ANO6: variants seen among roughly 807,000 people sequenced by gnomAD.
ANO6 encodes the protein anoctamin 6.
A neutral mutation model predicts 117.5 loss-of-function variants in ANO6; 106 were observed. The observed-to-expected ratio is 0.90, with a 90% CI of 0.77 to 1.06. The LOEUF (loss-of-function observed/expected upper bound fraction) is 1.06, where lower values mean the gene tolerates loss of function less well. Among genes scored for constraint, ANO6 ranks in the 50% least tolerant of loss-of-function variants. The pLI, the probability that ANO6 is intolerant of heterozygous loss-of-function variation, is 0.00. For synonymous variants in ANO6, 367 were observed against 385.1 expected, an observed-to-expected ratio of 0.95 and a Z score of 0.55; for missense variants, 955 against 1,121.1, an observed-to-expected ratio of 0.85 and a Z score of 2.12.
chr12:45,287,693 A>G (rs1938961438), intron 1 of ANO6, among the ~76,000 whole-genome samples: 2 of 152,142 alleles, frequency 1.3e-5, no homozygotes, highest in Admixed American at 1.3e-4. Context: ...ATTTTGGGGC[A>G]TTTACTGAAG....
At chr12:45,260,129 C>T (rs796684061) in intron 1 of ANO6, among the ~76,000 whole-genome samples, 4 of 152,098 alleles carry the variant, frequency 2.6e-5, no homozygotes, top group East Asian at 1.9e-4. Context: ...TTTTGAAAGC[C>T]GAGCACTTAG....
At position 45,422,961 on chromosome 12, in the gene ANO6, C is replaced by T. The variant is rs141980380; in HGVS notation, c.2425C>T (p.Arg809Cys). 4.0e-5 allele frequency: 65 copies of T among 1,609,148 alleles called. No homozygotes were observed. Among genetic ancestry groups the T allele is most frequent in the Non-Finnish European group, 5.4e-5 (63 of 1,175,584 alleles). The change falls in exon 19 of 20, where the codon CGT (arginine) becomes TGT (cysteine). Residue 809 changes from arginine to cysteine, a missense_variant. Transcript: ENST00000320560. The stretch of plus-strand genomic sequence containing the variant: ...ATGTCTCCATTTTGTTTTCAGGTAT[C>T]GTGATTTCCGATACCCACCTGGACA... ...DLGNHTTCRY[R>C]DFRYPPGHPQ...
At chr12:45,264,920 G>T (rs573276665) in intron 1 of ANO6, among the ~76,000 whole-genome samples, 2 of 152,142 alleles carry the variant, frequency 1.3e-5, no homozygotes, top group African/African-American at 2.4e-5. Context: ...AGTGGTAATT[G>T]TGCAGTTGGA....
chr12:45,232,641 A>C (rs1391592889), intron 1 of ANO6, among the ~76,000 whole-genome samples: 1 of 152,254 alleles, frequency 6.6e-6, no homozygotes, highest in Non-Finnish European at 1.5e-5. Flanking sequence ...TTTCAGGCTC[A>C]CAAGTCCAGT....
intron 16 of ANO6, among the ~76,000 whole-genome samples, chr12:45,416,447 A>T (rs1488815327): frequency 6.6e-6 from 1 of 152,226 alleles, no homozygotes; most frequent in African/African-American, 2.4e-5. Context: ...TTGACTAAAG[A>T]TGTCTAAATA....
intron 3 of ANO6, chr12:45,335,413 T>C (rs1940796088): frequency 6.6e-6 from 1 of 151,994 alleles, no homozygotes; most frequent in Non-Finnish European, 1.5e-5. Context: ...TCTTGGGAAA[T>C]GTTTAAAAAC....
At chr12:45,363,324 G>A (rs1941602820) in intron 8 of ANO6, among the ~76,000 whole-genome samples, 2 of 152,080 alleles carry the variant, frequency 1.3e-5, no homozygotes, top group Admixed American at 6.6e-5. Flanking sequence ...ACAACTTTTG[G>A]GAGGCTGAGG....
At chr12:45,302,437 C>A (rs1451513132) in intron 2 of ANO6, among the ~76,000 whole-genome samples, 1 of 152,200 alleles carries the variant, frequency 6.6e-6, no homozygotes, top group Admixed American at 6.5e-5. Context: ...GGAAAGCAGT[C>A]TTTAAGCATA....
At chr12:45,243,887 A>G (rs985109178) in intron 1 of ANO6, among the ~76,000 whole-genome samples, 8 of 152,202 alleles carry the variant, frequency 5.3e-5, no homozygotes, top group African/African-American at 1.7e-4. Flanking sequence ...CTGCAAATTA[A>G]CAGAGATTCA....
chr12:45,254,708 T>C (rs1195781033), intron 1 of ANO6, among the ~76,000 whole-genome samples: 1 of 152,256 alleles, frequency 6.6e-6, no homozygotes, highest in African/African-American at 2.4e-5. Context: ...ATTCGATGGA[T>C]ACTTATGATT....
intron 3 of ANO6, 93 bp from the exon 4 acceptor site, chr12:45,346,929 G>A: frequency 1.7e-6 from 2 of 1,171,324 alleles, no homozygotes; most frequent in Non-Finnish European, 2.5e-6. Flanking sequence ...GTCCACGCTA[G>A]TTTGATTTTG....
At chr12:45,260,351 C>A (rs1347693680) in intron 1 of ANO6, among the ~76,000 whole-genome samples, 2 of 152,192 alleles carry the variant, frequency 1.3e-5, no homozygotes, top group Non-Finnish European at 2.9e-5. Context: ...AGATCTTTTG[C>A]AAAGATAGGG....
At chr12:45,353,586 A>T (rs1941338185) in intron 7 of ANO6, among the ~76,000 whole-genome samples, 1 of 152,146 alleles carries the variant, frequency 6.6e-6, no homozygotes. Context: ...ATTGCTTCCC[A>T]CTAGTAACCC....
At chr12:45,389,183 A>AG (rs1942376783) in intron 11 of ANO6, among the ~76,000 whole-genome samples, 1 of 152,244 alleles carries the variant, frequency 6.6e-6, no homozygotes, top group African/African-American at 2.4e-5. Flanking sequence ...AAGGAACCAG[A>AG]GGGAACAGTT....
chr12:45,421,691 G>T (rs576791592), intron 18 of ANO6, among the ~76,000 whole-genome samples: 211 of 152,278 alleles, frequency 1.4e-3, no homozygotes, highest in Non-Finnish European at 2.5e-3. Flanking sequence ...TGTTATTCAA[G>T]CACAATCTGA....
intron 1 of ANO6, among the ~76,000 whole-genome samples, chr12:45,260,555 A>G (rs572144255): frequency 1.3e-5 from 2 of 151,850 alleles, no homozygotes; most frequent in Admixed American, 1.3e-4. Context: ...AGTCAGAATC[A>G]AGTAACCTCC....
chr12:45,216,378 C>A lies in ANO6; in HGVS notation c.57C>A (p.Asp19Glu), dbSNP rs1372349452. ...LLQMEEEEDD[D>E]DGDIVLENLG... ...AAATGGAGGAGGAGGAGGACGACGACGATGGGGATATCGGTGAGCGAGGGG... is the reference window on the plus strand; with the variant it reads ...AAATGGAGGAGGAGGAGGACGACGAAGATGGGGATATCGGTGAGCGAGGGG... Residue 19 changes from aspartate to glutamate, a missense_variant, in exon 1 of 20, where the codon GAC (aspartate) becomes GAA (glutamate). By Grantham distance (45) the Asp-to-Glu change is conservative (BLOSUM62 2). Coordinates refer to ENST00000320560, the MANE Select transcript of ANO6 (RefSeq NM_001025356.3). 1 of 1,612,648 alleles carries A rather than the reference C, an allele frequency of 6.2e-7. No individual in the cohort carries two copies. The highest frequency in any genetic ancestry group is 1.7e-5 in the Admixed American group (1 of 59,952).
chr12:45,242,567 C>T (rs1947762884), intron 1 of ANO6, among the ~76,000 whole-genome samples: 1 of 152,262 alleles, frequency 6.6e-6, no homozygotes, highest in African/African-American at 2.4e-5. Flanking sequence ...GGCTCACCCT[C>T]TGTGGGCTGC....
chr12:45,420,545 C>T (rs191710411), intron 17 of ANO6, among the ~76,000 whole-genome samples: 4 of 152,226 alleles, frequency 2.6e-5, no homozygotes, highest in Admixed American at 2.6e-4. Flanking sequence ...TTCGAGGTTA[C>T]AGTGAGCTGT....
Sources: allele counts gnomAD v4.1 joint callset (sites outside exome capture counted in the v4.1 genomes callset), GRCh38; gene constraint gnomAD v4.1.1; transcripts MANE v1.5; gene names NCBI Gene and HGNC (gene_info 2026-07-23, HGNC 2026-07-21).